The following AHCYL2 variants were observed in gnomAD, a reference collection of about 807,000 sequenced individuals.
AHCYL2 encodes the protein adenosylhomocysteinase like 2, also known as S-adenosylhomocysteine hydrolase-like protein 2.
AHCYL2 carries 28 observed loss-of-function variants against 81.4 expected under a neutral mutation model. The ratio of observed to expected loss-of-function variants is 0.34; its 90% CI spans 0.25 to 0.47. The LOEUF is 0.47. Among genes scored for constraint, AHCYL2 ranks in the 20% least tolerant of loss-of-function variants. The probability of loss-of-function intolerance (pLI) is 1.00; values close to 1 mark genes in which losing one functional copy is unlikely to be tolerated. For missense variants in AHCYL2, 551 were observed against 785.1 expected (o/e 0.70, Z 3.56); for synonymous variants, 272 against 290.2 (o/e 0.94, Z 0.64).
In AHCYL2 at chr7:129,404,213, CT is replaced by C. The variant is rs539191391; in HGVS notation, c.1025+729del. 5.3e-5 allele frequency among the ~76,000 whole-genome samples: 8 copies of C among 152,230 alleles called. No homozygotes were observed. The East Asian group carries it at 1.5e-3, about 29-fold the overall frequency. On this transcript the variant is annotated intron_variant, in intron 7 of 16. Transcript: ENST00000325006. ...AGTAGACAAAACAGACAGAAAAAAA[CT>C]CTGCCATCTTAGAGCTTACATTCTT...
At chr7:129,268,075 T>C (rs1000882240) in intron 1 of AHCYL2, among the ~76,000 whole-genome samples, 8 of 152,214 alleles carry the variant, frequency 5.3e-5, no homozygotes, top group African/African-American at 9.6e-5. Flanking sequence ...TTTTTACTCC[T>C]AGTTCTACTA....
rs766793750 is a variant in AHCYL2, at chr7:129,389,201, T to C, written c.619+2T>C. The C allele has an allele frequency of 1.2e-6, 2 of 1,613,812 alleles. No homozygotes were observed. The highest frequency in any genetic ancestry group is 1.7e-6 in the Non-Finnish European group (2 of 1,179,816). On this transcript the variant is annotated splice_donor_variant, in intron 3 of 16. Coordinates refer to ENST00000325006, the MANE Select transcript of AHCYL2 (RefSeq NM_015328.4). LOFTEE classifies it high-confidence loss of function. ...GAGAAATTGAAATTGCTGAACAAGGTAAAGAAAACAAGCACCTTTTCCTTC... is the reference window on the plus strand; with the variant it reads ...GAGAAATTGAAATTGCTGAACAAGGCAAAGAAAACAAGCACCTTTTCCTTC...
chr7:129,279,473 G>A (rs1395754264), intron 1 of AHCYL2, among the ~76,000 whole-genome samples: 2 of 152,100 alleles, frequency 1.3e-5, no homozygotes, highest in Admixed American at 6.5e-5. Flanking sequence ...GATGTTTCAT[G>A]TTCCATGTTT....
chr7:129,281,164 A>G (rs1439087459), intron 1 of AHCYL2, among the ~76,000 whole-genome samples: 13 of 152,000 alleles, frequency 8.6e-5, no homozygotes, highest in Admixed American at 8.5e-4. Context: ...CACCCGGCCC[A>G]TTGATTCATT....
intron 2 of AHCYL2, among the ~76,000 whole-genome samples, 197 bp downstream of exon 2, chr7:129,379,946 G>C (rs562749356): frequency 2.4e-4 from 37 of 152,220 alleles, no homozygotes; most frequent in African/African-American, 8.7e-4. Flanking sequence ...CTTAATAGAG[G>C]CCTCCTCTTC....
At chr7:129,413,235 G>A (rs1187185171) in intron 11 of AHCYL2, among the ~76,000 whole-genome samples, 3 of 147,178 alleles carry the variant, frequency 2.0e-5, no homozygotes, top group African/African-American at 7.6e-5. Flanking sequence ...TCCACCTCCC[G>A]GGTTCATGCC....
chr7:129,271,147 G>T lies in AHCYL2; in HGVS notation c.363+45708G>T, dbSNP rs183613150. On this transcript the variant is annotated intron_variant, in intron 1 of 16. Transcript: ENST00000325006. ...GGAGGCCGAGGCGGGCGGATCACGAGGTCAGGAGATGAGACCATCCTGGCT... is the reference window on the plus strand; with the variant it reads ...GGAGGCCGAGGCGGGCGGATCACGATGTCAGGAGATGAGACCATCCTGGCT... 5.2e-3 allele frequency among the ~76,000 whole-genome samples: 789 copies of T among 152,102 alleles called. 11 individuals are homozygous for T. Among genetic ancestry groups the T allele is most frequent in the African/African-American group, 0.018 (755 of 41,486 alleles).
chr7:129,392,081 A>G (rs1274916410), intron 4 of AHCYL2, among the ~76,000 whole-genome samples: 1 of 152,024 alleles, frequency 6.6e-6, no homozygotes, highest in African/African-American at 2.4e-5. Flanking sequence ...GAGCATTACC[A>G]CCTTTCATGG....
intron 1 of AHCYL2, among the ~76,000 whole-genome samples, chr7:129,323,060 TTTTCTC>T (rs1274754166): frequency 6.6e-6 from 1 of 152,202 alleles, no homozygotes; most frequent in Non-Finnish European, 1.5e-5. Context: ...GTTCCATTGA[TTTTCTC>T]TATTGCATTT....
chr7:129,352,373 G>A lies in AHCYL2; in HGVS notation c.364-27265G>A, dbSNP rs1024191695. Among the ~76,000 whole-genome samples the A allele has an allele frequency of 2.0e-5, 3 of 152,176 alleles. No individual in the cohort carries two copies. In the East Asian group the frequency reaches 5.8e-4, roughly 29 times the overall value. On this transcript the variant is annotated intron_variant, in intron 1 of 16. Transcript: ENST00000325006. ...GCCACCATGAGCTTGACAGCTTCCA[G>A]TCAAGCTGTCCCCGGTGTAGACCTC...
intron 1 of AHCYL2, among the ~76,000 whole-genome samples, chr7:129,361,792 ATT>A (rs144351453): frequency 3.1e-4 from 45 of 146,480 alleles, no homozygotes; most frequent in Non-Finnish European, 4.4e-4. Flanking sequence ...TGTCTGGCTA[ATT>A]TTTTTTTTTT....
intron 1 of AHCYL2, among the ~76,000 whole-genome samples, chr7:129,255,903 G>T (rs917034086): frequency 2.6e-5 from 4 of 152,102 alleles, no homozygotes; most frequent in Middle Eastern, 3.2e-3. Flanking sequence ...AGCGGAGGTT[G>T]CAATGAGCTG....
chr7:129,397,324 G>GTT lies in AHCYL2; in HGVS notation c.823_823+1insTT (p.Gly275ValfsTer24). Reference sequence around the variant, plus strand: ...AGTGGCTGCTGCTCTAGCAGAAAGTGGTAAGAGCTTATTCTCTGTGCCTTT... The same window carrying GTT: ...AGTGGCTGCTGCTCTAGCAGAAAGTGTTGTAAGAGCTTATTCTCTGTGCCTTT... On this transcript the variant is annotated frameshift_variant and splice_region_variant. Coordinates refer to ENST00000325006, the MANE Select transcript of AHCYL2 (RefSeq NM_015328.4). LOFTEE classifies it high-confidence loss of function. 1 of 1,613,704 alleles carries GTT rather than the reference G, an allele frequency of 6.2e-7. No individual in the cohort carries two copies. Among genetic ancestry groups the GTT allele is most frequent in the Non-Finnish European group, 8.5e-7 (1 of 1,179,890 alleles).
chr7:129,373,063 C>T (rs1401512540), intron 1 of AHCYL2, among the ~76,000 whole-genome samples: 1 of 152,044 alleles, frequency 6.6e-6, no homozygotes, highest in Admixed American at 6.6e-5. Flanking sequence ...TTACTCAAAA[C>T]ACAAAATCTT....
At chr7:129,279,768 G>A (rs968213773) in intron 1 of AHCYL2, among the ~76,000 whole-genome samples, 1 of 152,164 alleles carries the variant, frequency 6.6e-6, no homozygotes, top group African/African-American at 2.4e-5. Context: ...ACAACTAAGG[G>A]GTCCCCTTCC....
chr7:129,388,950 T>A, intron 2 of AHCYL2, 106 bp from the exon 3 acceptor site: 2 of 1,378,644 alleles, frequency 1.5e-6, no homozygotes, highest in Admixed American at 5.1e-5. Context: ...GGTAAAAAAA[T>A]TTATATGGTG....
intron 2 of AHCYL2, among the ~76,000 whole-genome samples, chr7:129,383,170 C>G (rs572059004): frequency 6.6e-6 from 1 of 151,054 alleles, no homozygotes; most frequent in Non-Finnish European, 1.5e-5. Flanking sequence ...TTATTTTATT[C>G]TATTTTTTTT....
At chr7:129,295,709 C>T (rs944873614) in intron 1 of AHCYL2, among the ~76,000 whole-genome samples, 13 of 152,110 alleles carry the variant, frequency 8.5e-5, no homozygotes, top group Non-Finnish European at 1.3e-4. Flanking sequence ...CAGTGAAGGC[C>T]GTGAATGGCC....
intron 1 of AHCYL2, among the ~76,000 whole-genome samples, chr7:129,337,064 A>G (rs1212396530): frequency 1.3e-5 from 2 of 152,178 alleles, no homozygotes; most frequent in Non-Finnish European, 2.9e-5. Context: ...TTTGTAAAGA[A>G]ATTATTTATA....
Sources: gnomAD v4.1 joint callset for allele counts (sites outside exome capture counted in the v4.1 genomes callset) on GRCh38, gnomAD v4.1.1 for gene constraint, MANE v1.5 for transcripts, NCBI Gene and HGNC (gene_info 2026-07-23, HGNC 2026-07-21) for gene names.